Variants in PRKN observed in about 807,000 individuals in gnomAD.
The protein encoded by PRKN is parkin RBR E3 ubiquitin protein ligase, also known as E3 ubiquitin-protein ligase parkin.
PRKN carries 56 observed loss-of-function variants against 59.5 expected under a neutral mutation model. The ratio of observed to expected loss-of-function variants is 0.94; its 90% CI spans 0.76 to 1.18. The LOEUF (loss-of-function observed/expected upper bound fraction) is 1.18. PRKN is among the 50% of genes most tolerant of loss of function. The probability of loss-of-function intolerance (pLI) is 0.00; values close to 1 mark genes in which losing one functional copy is unlikely to be tolerated. For missense variants in PRKN, 657 were observed against 596.4 expected (o/e 1.10, Z -1.06); for synonymous variants, 250 against 222.1 (o/e 1.13, Z -1.12).
chr6:162,087,589 CT>C lies in PRKN; in HGVS notation c.535-33416del, dbSNP rs35184111. Among the ~76,000 whole-genome samples the C allele has an allele frequency of 1.1e-3, 109 of 102,692 alleles. 1 individual carries two copies. Among genetic ancestry groups the C allele is most frequent in the South Asian group, 1.1e-3 (3 of 2,746 alleles). 67.4% of individuals were successfully genotyped at this position (102,692 alleles called of 152,430 possible). A position where few individuals can be genotyped will look rare whatever the true frequency, so the allele number is the denominator to read the frequency against. Reference sequence around the variant, plus strand: ...CCTACAGGTGCTTAGAGAATAATTTCTTTTTTTTTTTTTTTTTTTTTCTGAG... The same window carrying C: ...CCTACAGGTGCTTAGAGAATAATTTCTTTTTTTTTTTTTTTTTTTTCTGAG... On this transcript the variant is annotated intron_variant, in intron 4 of 11. Transcript: ENST00000366898.
intron 5 of PRKN, among the ~76,000 whole-genome samples, chr6:162,029,178 C>T (rs1035566387): frequency 3.3e-5 from 5 of 152,070 alleles, no homozygotes; most frequent in Admixed American, 6.6e-5. Context: ...CAGAAACAAA[C>T]CCACCCACCT....
chr6:162,633,919 C>T (rs965071841), intron 1 of PRKN, among the ~76,000 whole-genome samples: 7 of 152,094 alleles, frequency 4.6e-5, no homozygotes, highest in Admixed American at 3.3e-4. Flanking sequence ...AAACATTAAT[C>T]ACTTCTAAAT....
At chr6:161,646,010 A>G (rs62436830) in intron 7 of PRKN, among the ~76,000 whole-genome samples, 1,032 of 93,408 alleles carry the variant, frequency 0.011, 3 homozygotes, top group Middle Eastern at 0.028. Flanking sequence ...GAGGTGGCGT[A>G]TCAGTGACAG....
intron 4 of PRKN, among the ~76,000 whole-genome samples, chr6:162,149,762 C>T (rs1473467844): frequency 3.9e-5 from 6 of 152,074 alleles, no homozygotes; most frequent in African/African-American, 7.2e-5. Flanking sequence ...TGTCTAGTGC[C>T]ATGGTGAGGG....
chr6:161,676,596 G>A (rs1785095074), intron 7 of PRKN, among the ~76,000 whole-genome samples: 1 of 152,200 alleles, frequency 6.6e-6, no homozygotes, highest in African/African-American at 2.4e-5. Context: ...GGCTCCTTTT[G>A]TGCTGCGACA....
intron 1 of PRKN, among the ~76,000 whole-genome samples, chr6:162,657,349 T>C (rs140928517): frequency 0.013 from 1,961 of 152,312 alleles, 72 homozygotes; most frequent in Admixed American, 0.08. Flanking sequence ...TTAACTGCAG[T>C]AATAATTACA....
At chr6:162,314,093 G>A (rs965079026) in intron 2 of PRKN, among the ~76,000 whole-genome samples, 170 of 152,164 alleles carry the variant, frequency 1.1e-3, no homozygotes, top group African/African-American at 3.9e-3. Context: ...TCCATGTAGC[G>A]CTTGCTCTCT....
chr6:162,140,682 C>A (rs565229499), intron 4 of PRKN, among the ~76,000 whole-genome samples: 1 of 151,466 alleles, frequency 6.6e-6, no homozygotes, highest in East Asian at 1.9e-4. Flanking sequence ...CAAACCAGTT[C>A]AAAAGGAGCG....
rs1191968695 is a variant in PRKN at position 161,561,143 on chromosome 6, TA to T, written c.933+8211del. ...CAACCCGCCGAAAAAAGGGGTGAAA[TA>T]AAAAAGATGAAATGAGGATAGTTAC... On this transcript the variant is annotated intron_variant, in intron 8 of 11. Coordinates refer to ENST00000366898, the MANE Select transcript of PRKN (RefSeq NM_004562.3). This position sits in a 1 kb window ranked among gnomAD's most constrained non-coding sequence, Gnocchi z 5.0. Among the ~76,000 whole-genome samples, 1 of 152,000 alleles carries T rather than the reference TA, an allele frequency of 6.6e-6. No individual in the cohort carries two copies. Among genetic ancestry groups the T allele is most frequent in the Non-Finnish European group, 1.5e-5 (1 of 68,002 alleles).
rs1239209827 is a variant in PRKN at position 161,445,844 on chromosome 6, G to A, written c.1084-58967C>T. 2.0e-5 allele frequency among the ~76,000 whole-genome samples: 3 copies of A among 147,620 alleles called. No homozygotes were observed. The highest frequency in any genetic ancestry group is 1.5e-5 in the Non-Finnish European group (1 of 66,738). On this transcript the variant is annotated intron_variant, in intron 9 of 11. Transcript: ENST00000366898. This position sits in a 1 kb window ranked among gnomAD's most constrained non-coding sequence, Gnocchi z 7.7. ...CCTTCCCTTCCCTTCCCTATCGACA[G>A]CCTTGCAGGGTGGTGGTTTCCTTTG...
At chr6:162,584,476 G>T (rs1780929112) in intron 1 of PRKN, among the ~76,000 whole-genome samples, 1 of 151,982 alleles carries the variant, frequency 6.6e-6, no homozygotes, top group Non-Finnish European at 1.5e-5. Flanking sequence ...AGCTGCTACT[G>T]ATTAGAGACA....
At chr6:162,007,907 C>T (rs1480301661) in intron 5 of PRKN, among the ~76,000 whole-genome samples, 1 of 152,102 alleles carries the variant, frequency 6.6e-6, no homozygotes, top group Non-Finnish European at 1.5e-5. Flanking sequence ...CATTCCAATA[C>T]AGCAGAATGA....
chr6:162,190,298 G>C (rs1330135987), intron 4 of PRKN, among the ~76,000 whole-genome samples: 1 of 151,910 alleles, frequency 6.6e-6, no homozygotes, highest in East Asian at 1.9e-4. Context: ...TTTCTTTTCA[G>C]CAAGGGAAAA....
chr6:161,685,470 T>G (rs1188433758), intron 7 of PRKN, among the ~76,000 whole-genome samples: 1 of 152,232 alleles, frequency 6.6e-6, no homozygotes, highest in African/African-American at 2.4e-5. Flanking sequence ...TAAGCCCTTT[T>G]CAGACATCTA....
intron 7 of PRKN, among the ~76,000 whole-genome samples, chr6:161,687,282 G>T (rs551211095): frequency 2.7e-5 from 4 of 148,838 alleles, no homozygotes; most frequent in Non-Finnish European, 4.5e-5. Context: ...CCAGCTACTC[G>T]GGAGGCTGAG....
At chr6:161,711,075 C>G (rs1004392663) in intron 7 of PRKN, among the ~76,000 whole-genome samples, 2 of 151,902 alleles carry the variant, frequency 1.3e-5, no homozygotes, top group Non-Finnish European at 2.9e-5. Flanking sequence ...GATAAGAAAT[C>G]TAAAAACCTA....
chr6:162,333,305 T>C (rs1783674315), intron 2 of PRKN, among the ~76,000 whole-genome samples: 1 of 151,924 alleles, frequency 6.6e-6, no homozygotes, highest in South Asian at 2.1e-4. Flanking sequence ...CTCTTGTCAT[T>C]GTGCTTCAAG....
intron 1 of PRKN, among the ~76,000 whole-genome samples, chr6:162,680,395 C>CTATA (rs10638186): frequency 2.7e-5 from 4 of 150,482 alleles, no homozygotes; most frequent in African/African-American, 9.8e-5. Flanking sequence ...AACATATATA[C>CTATA]TATATATATG....
chr6:161,599,050 C>T (rs1003166229), intron 7 of PRKN, among the ~76,000 whole-genome samples: 3 of 152,088 alleles, frequency 2.0e-5, no homozygotes, highest in East Asian at 1.9e-4. Context: ...AGCCACAAGC[C>T]GAGGAATGCC....
Sources: gnomAD v4.1 joint callset for allele counts (sites outside exome capture counted in the v4.1 genomes callset) on GRCh38, gnomAD v4.1.1 for gene constraint, Gnocchi (gnomAD v3.1) non-coding constraint, MANE v1.5 for transcripts, NCBI Gene and HGNC (gene_info 2026-07-23, HGNC 2026-07-21) for gene names.